The following FOXP1 variants were observed in gnomAD, a reference collection of about 807,000 sequenced individuals.
FOXP1 encodes the protein forkhead box P1, also known as forkhead box protein P1.
Under a neutral mutation model 98.2 loss-of-function variants are expected in FOXP1, and 15 were observed. That is an observed-to-expected ratio of 0.15 (90% confidence interval 0.10 to 0.24). The LOEUF (loss-of-function observed/expected upper bound fraction) is 0.24, where lower values mean the gene tolerates loss of function less well. FOXP1 is among the 10% of genes least tolerant of loss of function. The probability of loss-of-function intolerance (pLI) is 1.00; values close to 1 mark genes in which losing one functional copy is unlikely to be tolerated. For missense variants in FOXP1, 633 were observed against 848.5 expected, an observed-to-expected ratio of 0.75 and a Z score of 3.15; for synonymous variants, 371 against 314.5, an observed-to-expected ratio of 1.18 and a Z score of -1.90.
chr3:71,508,167 G>A (rs1329738462), intron 2 of FOXP1, among the ~76,000 whole-genome samples: 1 of 152,082 alleles, frequency 6.6e-6, no homozygotes, highest in Non-Finnish European at 1.5e-5. Flanking sequence ...TTTCTATAGG[G>A]GGAAAAAGGA....
intron 2 of FOXP1, chr3:71,574,489 G>A (rs1329278945): frequency 2.0e-5 from 3 of 152,084 alleles, no homozygotes; most frequent in South Asian, 2.1e-4. Context: ...CTTGTAGGAT[G>A]CCTTCTTCTT....
chr3:71,135,442 C>T (rs896778662), intron 6 of FOXP1, among the ~76,000 whole-genome samples: 1 of 152,008 alleles, frequency 6.6e-6, no homozygotes, highest in Non-Finnish European at 1.5e-5. Context: ...CCCCTACCCC[C>T]TACTCCCAAA....
intron 3 of FOXP1, among the ~76,000 whole-genome samples, chr3:71,414,853 G>T (rs2083088733): frequency 6.6e-6 from 1 of 152,200 alleles, no homozygotes; most frequent in Non-Finnish European, 1.5e-5. Context: ...CTCGCTGATG[G>T]ATCAGCAGAA....
chr3:71,011,885 A>G (rs1276477138), intron 12 of FOXP1, among the ~76,000 whole-genome samples: 3 of 152,170 alleles, frequency 2.0e-5, no homozygotes, highest in Non-Finnish European at 4.4e-5. Context: ...TTTTATAGGA[A>G]TTGAGTCTAG....
chr3:71,309,446 A>C (rs950392968), intron 4 of FOXP1, among the ~76,000 whole-genome samples: 1 of 151,888 alleles, frequency 6.6e-6, no homozygotes, highest in Admixed American at 6.6e-5. Context: ...TGACAAAAGT[A>C]AATTCATAGC....
intron 3 of FOXP1, among the ~76,000 whole-genome samples, chr3:71,454,829 C>T (rs553903674): frequency 3.3e-5 from 5 of 151,912 alleles, no homozygotes; most frequent in Non-Finnish European, 7.4e-5. Context: ...GCTTTCTGAG[C>T]GCCATCTCTC....
intron 6 of FOXP1, among the ~76,000 whole-genome samples, chr3:71,114,089 T>A (rs990562942): frequency 2.0e-5 from 3 of 152,158 alleles, no homozygotes; most frequent in Admixed American, 1.3e-4. Flanking sequence ...ACCAAATTAT[T>A]TGCGCATCAA....
chr3:71,092,333 A>G (rs1388349994), intron 7 of FOXP1, among the ~76,000 whole-genome samples: 1 of 152,142 alleles, frequency 6.6e-6, no homozygotes, highest in Non-Finnish European at 1.5e-5. Context: ...GCAAGATGGC[A>G]TCACTGCACT....
chr3:71,362,880 T>C lies in FOXP1; in HGVS notation c.-167-3636A>G, dbSNP rs539614839. Among the ~76,000 whole-genome samples the C allele has an allele frequency of 7.5e-4, 114 of 152,372 alleles. 2 individuals are homozygous for C. The highest frequency in any genetic ancestry group is 1.7e-3 in the South Asian group (8 of 4,828). On this transcript the variant is annotated intron_variant, in intron 3 of 20. Transcript: ENST00000649528. ...CTTTGATTAGTCTATAATATGATCT[T>C]CACAAACATTAATAAATGCTGTTGT...
chr3:71,020,562 G>C (rs2045277759), intron 11 of FOXP1, among the ~76,000 whole-genome samples: 1 of 152,198 alleles, frequency 6.6e-6, no homozygotes, highest in Admixed American at 6.5e-5. Context: ...GCAGTCTTTA[G>C]TGATCCTTAC....
intron 11 of FOXP1, among the ~76,000 whole-genome samples, chr3:71,016,735 A>G (rs1459209937): frequency 1.3e-5 from 2 of 151,912 alleles, no homozygotes; most frequent in Non-Finnish European, 2.9e-5. Context: ...TATTGCCATC[A>G]GGATGTATAT....
At chr3:71,391,688 A>T (rs2081046286) in intron 3 of FOXP1, among the ~76,000 whole-genome samples, 1 of 152,240 alleles carries the variant, frequency 6.6e-6, no homozygotes, top group African/African-American at 2.4e-5. Context: ...ACTAACTCTC[A>T]GCATTGGGCA....
intron 3 of FOXP1, among the ~76,000 whole-genome samples, chr3:71,401,167 CAACATT>C (rs2081936631): frequency 6.6e-6 from 1 of 152,210 alleles, no homozygotes; most frequent in Non-Finnish European, 1.5e-5. Context: ...GTACTTACAT[CAACATT>C]ATCTTTATTT....
chr3:71,282,835 G>A (rs1412064211), intron 5 of FOXP1, among the ~76,000 whole-genome samples: 1 of 152,118 alleles, frequency 6.6e-6, no homozygotes, highest in Non-Finnish European at 1.5e-5. Context: ...CCAAAAACTG[G>A]CATCCAAACT....
At chr3:71,192,948 C>A (rs554305481) in intron 6 of FOXP1, among the ~76,000 whole-genome samples, 1 of 152,216 alleles carries the variant, frequency 6.6e-6, no homozygotes, top group South Asian at 2.1e-4. Flanking sequence ...CTGCACGCAG[C>A]CTGCTTGTAT....
chr3:71,095,067 C>T (rs576699468), intron 7 of FOXP1, among the ~76,000 whole-genome samples: 15 of 152,328 alleles, frequency 9.8e-5, no homozygotes, highest in South Asian at 4.1e-4. Flanking sequence ...CTCTGGAATA[C>T]GTTTCCAAAG....
At chr3:71,184,692 A>T (rs1051392397) in intron 6 of FOXP1, among the ~76,000 whole-genome samples, 3 of 152,176 alleles carry the variant, frequency 2.0e-5, no homozygotes, top group Admixed American at 2.0e-4. Flanking sequence ...GAAAAGCCTA[A>T]GAGTATTTGT....
In FOXP1 at chr3:71,041,437, G is replaced by T. The variant is rs2048323859; in HGVS notation, c.760C>A (p.Leu254Met). ...TTGNNHSSLD[L>M]TTTCVSSSAP... Reference sequence around the variant, plus strand: ...GAGGAGGAGACACATGTCGTGGTCAGATCCAAACTGCTGTGATTGTTGCCT... The same window carrying T: ...GAGGAGGAGACACATGTCGTGGTCATATCCAAACTGCTGTGATTGTTGCCT... The change falls in exon 11 of 21, where the codon CTG (leucine) becomes ATG (methionine). Residue 254 changes from leucine to methionine, a missense_variant. By Grantham distance (15) the Leu-to-Met change is conservative. Transcript: ENST00000649528. 4.3e-6 allele frequency: 7 copies of T among 1,613,926 alleles called. No individual in the cohort carries two copies. Among genetic ancestry groups the T allele is most frequent in the Non-Finnish European group, 5.9e-6 (7 of 1,179,860 alleles).
chr3:71,583,879 C>T (rs2048391446), upstream of FOXP1: 1 of 985,482 alleles, frequency 1.0e-6, no homozygotes, highest in Non-Finnish European at 1.2e-6. Flanking sequence ...CCCTCTACCT[C>T]CCGCAGGGGT....
Sources: allele counts gnomAD v4.1 joint callset (sites outside exome capture counted in the v4.1 genomes callset), GRCh38; gene constraint gnomAD v4.1.1; transcripts MANE v1.5; gene names NCBI Gene and HGNC (gene_info 2026-07-23, HGNC 2026-07-21).